Variants in TTC27 observed in about 807,000 individuals in gnomAD.
TTC27 encodes tetratricopeptide repeat protein 27.
A neutral mutation model predicts 115.9 loss-of-function variants in TTC27; 79 were observed. That is an observed-to-expected ratio of 0.68 (90% CI 0.57 to 0.82). The LOEUF (loss-of-function observed/expected upper bound fraction) is 0.82, where lower values mean the gene tolerates loss of function less well. TTC27 is among the 40% of genes least tolerant of loss of function. TTC27 has a pLI of 0.00. For synonymous variants in TTC27, 401 were observed against 356.0 expected, an observed-to-expected ratio of 1.13 and a Z score of -1.42; for missense variants, 1,054 against 993.1, an observed-to-expected ratio of 1.06 and a Z score of -0.82.
chr2:32,688,988 T>G (rs529542780), intron 9 of TTC27, among the ~76,000 whole-genome samples: 2 of 152,224 alleles, frequency 1.3e-5, no homozygotes, highest in African/African-American at 4.8e-5. Context: ...AAATGAGTGA[T>G]AAACTGCCAT....
At chr2:32,739,032 T>TA (rs747246113) in intron 12 of TTC27, among the ~76,000 whole-genome samples, 318 of 152,360 alleles carry the variant, frequency 2.1e-3, no homozygotes, top group Non-Finnish European at 3.5e-3. Flanking sequence ...GAGTTTGTCT[T>TA]ACAACTGATA....
intron 9 of TTC27, among the ~76,000 whole-genome samples, chr2:32,685,504 A>T (rs192413460): frequency 1.1e-4 from 16 of 152,340 alleles, no homozygotes; most frequent in Non-Finnish European, 1.9e-4. Context: ...TGGATAAAAT[A>T]TATGAAACAG....
At chr2:32,758,566 C>A in intron 13 of TTC27, 47 bp downstream of exon 13, 1 of 1,563,128 alleles carries the variant, frequency 6.4e-7, no homozygotes, top group Non-Finnish European at 8.8e-7. Flanking sequence ...TTGTGCTGTT[C>A]TTTGGATTTG....
At chr2:32,702,401 C>T (rs1256419076) in intron 9 of TTC27, among the ~76,000 whole-genome samples, 1 of 151,836 alleles carries the variant, frequency 6.6e-6, no homozygotes. Flanking sequence ...TTCACTTATC[C>T]AGTACTTTCA....
chr2:32,656,057 G>T (rs1472814758), intron 5 of TTC27, among the ~76,000 whole-genome samples: 1 of 151,942 alleles, frequency 6.6e-6, no homozygotes, highest in Non-Finnish European at 1.5e-5. Flanking sequence ...CTGCTATTGA[G>T]TACTGGCTTG....
intron 9 of TTC27, among the ~76,000 whole-genome samples, chr2:32,692,866 C>T (rs1021241606): frequency 6.6e-6 from 1 of 151,726 alleles, no homozygotes; most frequent in Non-Finnish European, 1.5e-5. Flanking sequence ...ATCCCAGCTA[C>T]TTGGGAGGCT....
intron 9 of TTC27, among the ~76,000 whole-genome samples, chr2:32,681,861 G>A (rs984053173): frequency 3.9e-5 from 6 of 151,970 alleles, no homozygotes; most frequent in Admixed American, 2.6e-4. Flanking sequence ...TGAGACAAGA[G>A]GGACTACTTC....
intron 10 of TTC27, among the ~76,000 whole-genome samples, chr2:32,718,740 C>T (rs1303295192): frequency 1.3e-5 from 2 of 152,146 alleles, no homozygotes; most frequent in East Asian, 1.9e-4. Flanking sequence ...GCAGACTCTG[C>T]ACTGTGACCA....
chr2:32,661,500 T>C (rs1665546916), intron 5 of TTC27, among the ~76,000 whole-genome samples: 1 of 152,118 alleles, frequency 6.6e-6, no homozygotes. Context: ...TTGTAGGTTG[T>C]GTTCCTAGGT....
intron 13 of TTC27, among the ~76,000 whole-genome samples, chr2:32,759,449 T>C (rs1187784722): frequency 6.6e-6 from 1 of 152,176 alleles, no homozygotes; most frequent in East Asian, 1.9e-4. Context: ...AATTACCATC[T>C]TAACCATTTT....
rs75604535 is a variant in TTC27 at position 32,803,661 on chromosome 2, T to C, written c.1999-7363T>C. On this transcript the variant is annotated intron_variant, in intron 16 of 19. Transcript: ENST00000317907. ...GTTGGCAACTTGTGTTCCTTTATAATGAAGATTAACAATAAAACTTCACGT... is the reference window on the plus strand; with the variant it reads ...GTTGGCAACTTGTGTTCCTTTATAACGAAGATTAACAATAAAACTTCACGT... Among the ~76,000 whole-genome samples, 545 of 152,228 alleles carry C rather than the reference T, an allele frequency of 3.6e-3. 3 individuals carry two copies. Among genetic ancestry groups the C allele is most frequent in the African/African-American group, 0.012 (488 of 41,546 alleles).
intron 12 of TTC27, among the ~76,000 whole-genome samples, chr2:32,753,566 C>T (rs941825254): frequency 6.6e-6 from 1 of 151,020 alleles, no homozygotes; most frequent in Non-Finnish European, 1.5e-5. Flanking sequence ...TCTCCTGCCT[C>T]AGCCTCCTGA....
intron 3 of TTC27, among the ~76,000 whole-genome samples, chr2:32,634,765 T>G (rs1204441833): frequency 6.6e-6 from 1 of 152,102 alleles, no homozygotes; most frequent in Non-Finnish European, 1.5e-5. Flanking sequence ...CAAGCAATTC[T>G]TCTGCTTCAG....
chr2:32,787,177 G>C, intron 16 of TTC27, 28 bp downstream of exon 16: 1 of 1,590,176 alleles, frequency 6.3e-7, no homozygotes, highest in Non-Finnish European at 8.5e-7. Context: ...CGTTATTTCA[G>C]TTTGTGTTTG....
chr2:32,817,642 C>T lies in TTC27; in HGVS notation c.2409+85C>T, dbSNP rs538348159. 2.3e-5 allele frequency: 28 copies of T among 1,199,948 alleles called. No individual in the cohort carries two copies. The East Asian group carries it at 6.2e-4, about 26-fold the overall frequency. 74.3% of individuals were successfully genotyped at this position (1,199,948 alleles called of 1,614,324 possible). On this transcript the variant is annotated intron_variant, in intron 19 of 19. Coordinates refer to ENST00000317907, the MANE Select transcript of TTC27 (RefSeq NM_017735.5). Reference sequence around the variant, plus strand: ...CTTATTGCTGTTAAATCTTCTTTTACATCAGTGATAATTTTAGGCGCATGT... The same window carrying T: ...CTTATTGCTGTTAAATCTTCTTTTATATCAGTGATAATTTTAGGCGCATGT...
In TTC27 at chr2:32,668,846, G is replaced by T. The variant is rs575783449; in HGVS notation, c.939+2078G>T. On this transcript the variant is annotated intron_variant, in intron 7 of 19. Coordinates refer to ENST00000317907, the MANE Select transcript of TTC27 (RefSeq NM_017735.5). The stretch of plus-strand genomic sequence containing the variant: ...TGTAATCCCAGCACTTTGGGAGGCC[G>T]AGGTGGACGGATCATGAGGTCAGGA... Among the ~76,000 whole-genome samples the T allele has an allele frequency of 2.6e-5, 4 of 152,010 alleles. No homozygotes were observed. In the South Asian group the frequency reaches 8.3e-4, roughly 32 times the overall value.
chr2:32,788,100 A>T (rs1670408743), intron 16 of TTC27, among the ~76,000 whole-genome samples: 1 of 152,176 alleles, frequency 6.6e-6, no homozygotes, highest in African/African-American at 2.4e-5. Flanking sequence ...TGCAATTGTG[A>T]TTTTTAAGAT....
rs530479482 is a variant in TTC27, at chr2:32,650,008, G to T, written c.538-123G>T. ...TATTACTGAAGAGAGTAGTGGATGG[G>T]TAATCTTATTGAGGAATAAATTTAA... is the stretch of plus-strand genomic sequence containing the variant. On this transcript the variant is annotated intron_variant, in intron 4 of 19. Transcript: ENST00000317907. The T allele has an allele frequency of 5.0e-5, 37 of 743,726 alleles. No individual in the cohort carries two copies. The African/African-American group carries it at 5.8e-4, about 12-fold the overall frequency. 46.1% of individuals were successfully genotyped at this position (743,726 alleles called of 1,614,324 possible).
chr2:32,765,634 T>G (rs1669602024), intron 13 of TTC27, among the ~76,000 whole-genome samples: 2 of 152,230 alleles, frequency 1.3e-5, no homozygotes, highest in African/African-American at 4.8e-5. Flanking sequence ...ATGAAAGTCC[T>G]AGATGACATC....
Sources: gnomAD v4.1 joint callset for allele counts (sites outside exome capture counted in the v4.1 genomes callset) on GRCh38, gnomAD v4.1.1 for gene constraint, MANE v1.5 for transcripts, NCBI Gene and HGNC (gene_info 2026-07-23, HGNC 2026-07-21) for gene names.